MED30: variants seen among roughly 807,000 people sequenced by gnomAD.
MED30 encodes mediator of RNA polymerase II transcription subunit 30.
In MED30, 8 loss-of-function variants were observed where a neutral mutation model predicts 21.7. That is an observed-to-expected ratio of 0.37 (90% confidence interval 0.22 to 0.67). MED30 has a LOEUF of 0.67. Ranked by LOEUF, MED30 falls within the 30% of genes least tolerant of loss-of-function variation. The pLI is 0.58. For missense variants in MED30, 203 were observed against 228.2 expected (o/e 0.89, Z 0.71); for synonymous variants, 79 against 86.7 (o/e 0.91, Z 0.49).
Position 117,523,375 on chromosome 8 carries a change from C to T in MED30, c.177+2322C>T, listed in dbSNP as rs1418868171. On this transcript the variant is annotated intron_variant, in intron 1 of 3. Transcript: ENST00000297347. ...GTCGGCACCAGGGGGCACAGCACTC[C>T]GTCTGTAGGTATCTCTGTCGGCTTC... 24 of 1,544,498 alleles carry T rather than the reference C, an allele frequency of 1.6e-5. No homozygotes were observed. In the Admixed American group the frequency reaches 3.5e-4, roughly 23 times the overall value.
chr8:117,523,050 C>T (rs1171176485), intron 1 of MED30, among the ~76,000 whole-genome samples: 1 of 152,134 alleles, frequency 6.6e-6, no homozygotes, highest in Non-Finnish European at 1.5e-5. Context: ...GCTCTTCCTA[C>T]TAACCTCTTT....
At chr8:117,537,084 G>T (rs1443042910) in intron 3 of MED30, among the ~76,000 whole-genome samples, 1 of 152,200 alleles carries the variant, frequency 6.6e-6, no homozygotes, top group African/African-American at 2.4e-5. Context: ...CTCTTTTCTT[G>T]ATGGTAAAAT....
chr8:117,523,188 A>G, intron 1 of MED30: 2 of 712,392 alleles, frequency 2.8e-6, no homozygotes, highest in Non-Finnish European at 4.8e-6. Flanking sequence ...CCTGCATTCA[A>G]AGCCAACTTT....
intron 1 of MED30, among the ~76,000 whole-genome samples, chr8:117,527,636 C>CTTTTTTTTTTTTTTTTTTTTTTTTTTTTT: frequency 7.8e-6 from 1 of 127,600 alleles, no homozygotes; most frequent in Non-Finnish European, 1.7e-5. Flanking sequence ...TTTTTTCTTT[C>CTTTTTTTTTTTTTTTTTTTTTTTTTTTTT]TTTTTTTTTT....
chr8:117,520,779 A>G lies in MED30; in HGVS notation c.-98A>G. 1.6e-6 allele frequency: 2 copies of G among 1,278,208 alleles called. No homozygotes were observed. The highest frequency in any genetic ancestry group is 2.1e-6 in the Non-Finnish European group (2 of 956,732). The allele number at this position is 1,278,208 out of a possible 1,614,324, so 79.2% of individuals were successfully genotyped here. The stretch of plus-strand genomic sequence containing the variant: ...AAATCGGGCCGCGGGGGGTCTCTCA[A>G]GCTGGTTCCAACGCTGAGGCCCCAC... On this transcript the variant is annotated 5_prime_UTR_variant, in exon 1 of 4. Coordinates refer to ENST00000297347, the MANE Select transcript of MED30 (RefSeq NM_080651.4).
chr8:117,537,592 A>G (rs1242699604), intron 3 of MED30, among the ~76,000 whole-genome samples: 2 of 152,126 alleles, frequency 1.3e-5, no homozygotes, highest in Non-Finnish European at 2.9e-5. Flanking sequence ...ATTATCTTGA[A>G]AATACCCTAC....
At chr8:117,523,405 C>G (rs1818662906) in intron 1 of MED30, 1 of 1,558,394 alleles carries the variant, frequency 6.4e-7, no homozygotes, top group Non-Finnish European at 8.8e-7. Context: ...GGCTTCCCCT[C>G]TTGTGAGTCT....
intron 3 of MED30, among the ~76,000 whole-genome samples, chr8:117,534,097 C>T (rs1017791814): frequency 2.1e-4 from 32 of 152,026 alleles, no homozygotes; most frequent in Non-Finnish European, 3.8e-4. Flanking sequence ...TTTAACCATT[C>T]CTCCAGTTTT....
intron 3 of MED30, among the ~76,000 whole-genome samples, chr8:117,531,083 T>C (rs1818786376): frequency 6.6e-6 from 1 of 151,994 alleles, no homozygotes; most frequent in African/African-American, 2.4e-5. Context: ...CACAATCCAT[T>C]TACTTTTTTC....
In MED30 at chr8:117,540,056, A is replaced by ATTAT; in HGVS notation, c.*83_*86dup. On this transcript the variant is annotated 3_prime_UTR_variant, in exon 4 of 4. Transcript: ENST00000297347. ...CAAGTATTTTTTCCCTGTGAAGAAG[A>ATTAT]TTATTTATCTGCTTTTATTTTAGTC... is the stretch of plus-strand genomic sequence containing the variant. 1.4e-6 allele frequency: 1 copy of ATTAT among 740,184 alleles called. No individual in the cohort carries two copies. The highest frequency in any genetic ancestry group is 3.2e-5 in the East Asian group (1 of 31,482). 45.9% of individuals were successfully genotyped at this position (740,184 alleles called of 1,614,324 possible). A position where few individuals can be genotyped will look rare whatever the true frequency, so the allele number is the denominator to read the frequency against.
At chr8:117,535,999 T>C (rs1467486402) in intron 3 of MED30, among the ~76,000 whole-genome samples, 1 of 152,204 alleles carries the variant, frequency 6.6e-6, no homozygotes, top group Admixed American at 6.5e-5. Flanking sequence ...TTATTTTTTT[T>C]CCATTCTTGT....
intron 1 of MED30, among the ~76,000 whole-genome samples, chr8:117,523,031 C>T (rs1468080070): frequency 6.6e-5 from 10 of 152,134 alleles, no homozygotes; most frequent in Non-Finnish European, 1.0e-4. Context: ...ACATCACACA[C>T]GACTAATAGC....
intron 1 of MED30, among the ~76,000 whole-genome samples, chr8:117,525,902 T>C (rs1395211225): frequency 6.6e-6 from 1 of 152,132 alleles, no homozygotes; most frequent in African/African-American, 2.4e-5. Flanking sequence ...ACATGTATTT[T>C]AGAATCAGCT....
chr8:117,536,462 C>T (rs1201532426), intron 3 of MED30, among the ~76,000 whole-genome samples: 2 of 152,116 alleles, frequency 1.3e-5, no homozygotes, highest in African/African-American at 4.8e-5. Flanking sequence ...TTATATACCC[C>T]TCAGCTGACC....
At chr8:117,534,795 A>G (rs189259439) in intron 3 of MED30, among the ~76,000 whole-genome samples, 4 of 152,168 alleles carry the variant, frequency 2.6e-5, no homozygotes, top group Admixed American at 2.0e-4. Flanking sequence ...ACTTAAATTT[A>G]AATCCCAAAT....
At chr8:117,534,841 A>G (rs1025780078) in intron 3 of MED30, among the ~76,000 whole-genome samples, 2 of 115,568 alleles carry the variant, frequency 1.7e-5, no homozygotes, top group Admixed American at 9.1e-5. Flanking sequence ...GCTAAAAGGC[A>G]AACAAATTGT....
At chr8:117,523,659 C>G (rs1818670049) in intron 1 of MED30, 1 of 1,595,542 alleles carries the variant, frequency 6.3e-7, no homozygotes, top group Non-Finnish European at 8.6e-7. Context: ...TGTCTGCCAG[C>G]TCCGGGTGCT....
In MED30 at chr8:117,524,862, CCTTG is replaced by C. The variant is rs140678616; in HGVS notation, c.178-3785_178-3782del. 7.8e-3 allele frequency among the ~76,000 whole-genome samples: 1,192 copies of C among 152,094 alleles called. 19 individuals are homozygous for C. Among genetic ancestry groups the C allele is most frequent in the African/African-American group, 0.026 (1,081 of 41,466 alleles). ...GTATATTATACACAACCATTTTGTA[CCTTG>C]CTTTTTTCAGTTGATATATTTTGGA... is the stretch of plus-strand genomic sequence containing the variant. On this transcript the variant is annotated intron_variant, in intron 1 of 3. Coordinates refer to ENST00000297347, the MANE Select transcript of MED30 (RefSeq NM_080651.4).
intron 1 of MED30, 29 bp downstream of exon 1, chr8:117,521,082 G>A: frequency 6.4e-7 from 1 of 1,554,022 alleles, no homozygotes; most frequent in Non-Finnish European, 8.7e-7. Flanking sequence ...GAGGCCAGGG[G>A]GATGCAGCTG....
Sources: allele counts gnomAD v4.1 joint callset (sites outside exome capture counted in the v4.1 genomes callset), GRCh38; gene constraint gnomAD v4.1.1; transcripts MANE v1.5; gene names NCBI Gene and HGNC (gene_info 2026-07-23, HGNC 2026-07-21).